RALGAPA1: variants seen among roughly 807,000 people sequenced by gnomAD.
RALGAPA1 encodes the protein Ral GTPase activating protein catalytic subunit alpha 1.
Under a neutral mutation model 269.6 loss-of-function variants are expected in RALGAPA1, and 52 were observed. That is an observed-to-expected ratio of 0.19 (90% CI 0.15 to 0.24). The LOEUF is 0.24. RALGAPA1 is among the 10% of genes least tolerant of loss of function. The pLI, the probability that RALGAPA1 is intolerant of heterozygous loss-of-function variation, is 1.00. For missense variants in RALGAPA1, 1,917 were observed against 3,013.9 expected, an observed-to-expected ratio of 0.64 and a Z score of 8.52; for synonymous variants, 817 against 1,008.3, an observed-to-expected ratio of 0.81 and a Z score of 3.60.
At chr14:35,759,889 G>A (rs1229797667) in intron 6 of RALGAPA1, among the ~76,000 whole-genome samples, 2 of 148,630 alleles carry the variant, frequency 1.3e-5, no homozygotes, top group Non-Finnish European at 3.0e-5. Flanking sequence ...TCCAGCCTGG[G>A]TGACAGAGTG....
At chr14:35,769,714 T>A (rs549922955) in intron 4 of RALGAPA1, among the ~76,000 whole-genome samples, 12 of 152,304 alleles carry the variant, frequency 7.9e-5, no homozygotes, top group African/African-American at 2.4e-4. Context: ...AACAACTTTC[T>A]ACTAACAAAT....
At chr14:35,807,107 C>T (rs1413229007) in intron 1 of RALGAPA1, among the ~76,000 whole-genome samples, 1 of 152,050 alleles carries the variant, frequency 6.6e-6, no homozygotes, top group Non-Finnish European at 1.5e-5. Context: ...AAAGTATGGC[C>T]TTTAATTTAG....
rs112279111 is a variant in RALGAPA1 at position 35,751,441 on chromosome 14, GCTAA to G, written c.802+579_802+582del. Among the ~76,000 whole-genome samples the G allele has an allele frequency of 4.7e-4, 71 of 152,226 alleles. 2 individuals carry two copies. Among genetic ancestry groups the G allele is most frequent in the African/African-American group, 1.5e-3 (62 of 41,542 alleles). On this transcript the variant is annotated intron_variant, in intron 8 of 41. Transcript: ENST00000680220. Reference sequence around the variant, plus strand: ...TTACAATCGCAAATATTTCTGGTGGGCTAACTTTTATAATTGATAAGATCCAGAG... The same window carrying G: ...TTACAATCGCAAATATTTCTGGTGGGCTTTTATAATTGATAAGATCCAGAG...
intron 11 of RALGAPA1, among the ~76,000 whole-genome samples, chr14:35,741,230 G>C (rs924319482): frequency 2.0e-5 from 3 of 152,028 alleles, no homozygotes; most frequent in Admixed American, 2.0e-4. Flanking sequence ...GGCACATCAT[G>C]ACTAAAAAAG....
chr14:35,545,648 T>C (rs1000591692), intron 41 of RALGAPA1, among the ~76,000 whole-genome samples: 16 of 152,016 alleles, frequency 1.1e-4, no homozygotes, highest in Non-Finnish European at 2.4e-4. Flanking sequence ...AAAGACATAA[T>C]ACTCCAAAAA....
intron 12 of RALGAPA1, among the ~76,000 whole-genome samples, chr14:35,736,856 C>T (rs1036279216): frequency 1.3e-5 from 2 of 151,812 alleles, no homozygotes; most frequent in Non-Finnish European, 2.9e-5. Context: ...GCCAACATGG[C>T]AAAAACCCAT....
At position 35,654,454 on chromosome 14, in the gene RALGAPA1, G is replaced by A. The variant is rs769345868; in HGVS notation, c.5520C>T (p.His1840=). Residue 1840 remains histidine, a synonymous_variant, in exon 30 of 42, where the codon CAC becomes CAT. Coordinates refer to ENST00000680220, the MANE Select transcript of RALGAPA1 (RefSeq NM_001346249.2). ...SLKFTNKTVA[H]VACNMLHMLV... ...GCATGTGAAGCATGTTACAAGCTAC[G>A]TGGGCTACTGTTTTATTAGTAAACT... 116 of 1,601,058 alleles carry A rather than the reference G, an allele frequency of 7.2e-5. No homozygotes were observed. The highest frequency in any genetic ancestry group is 9.2e-5 in the Non-Finnish European group (108 of 1,177,122).
chr14:35,762,500 C>CCCA (rs1383450304), intron 5 of RALGAPA1, among the ~76,000 whole-genome samples: 1 of 152,184 alleles, frequency 6.6e-6, no homozygotes, highest in African/African-American at 2.4e-5. Context: ...AAGTGGTCCA[C>CCCA]CCACCTCAGC....
At position 35,578,528 on chromosome 14, in the gene RALGAPA1, C is replaced by T. The variant is rs796967985; in HGVS notation, c.7210-5810G>A. Among the ~76,000 whole-genome samples the T allele has an allele frequency of 2.6e-5, 4 of 152,298 alleles. No homozygotes were observed. The South Asian group carries it at 8.3e-4, about 32-fold the overall frequency. On this transcript the variant is annotated intron_variant, in intron 37 of 41. Coordinates refer to ENST00000680220, the MANE Select transcript of RALGAPA1 (RefSeq NM_001346249.2). ...ATAGTCACACATATTTTCCTACATT[C>T]ACTTGCTGTTTAGATTATTCATTTT...
chr14:35,754,935 T>C (rs1567163092), intron 7 of RALGAPA1, among the ~76,000 whole-genome samples: 1 of 152,138 alleles, frequency 6.6e-6, no homozygotes, highest in Non-Finnish European at 1.5e-5. Flanking sequence ...AAAAAAACTA[T>C]GTACCCTATG....
At chr14:35,609,721 G>C (rs2059806705) in intron 35 of RALGAPA1, among the ~76,000 whole-genome samples, 1 of 151,800 alleles carries the variant, frequency 6.6e-6, no homozygotes, top group East Asian at 1.9e-4. Flanking sequence ...CCAGGAGTTC[G>C]AGACCAGCCT....
chr14:35,710,798 T>C (rs1235315301), intron 16 of RALGAPA1, among the ~76,000 whole-genome samples: 1 of 152,262 alleles, frequency 6.6e-6, no homozygotes, highest in Non-Finnish European at 1.5e-5. Context: ...TGTTTAGATA[T>C]GCTTACACAA....
chr14:35,788,716 A>G (rs904554562), intron 1 of RALGAPA1, among the ~76,000 whole-genome samples: 23 of 152,188 alleles, frequency 1.5e-4, no homozygotes, highest in African/African-American at 5.3e-4. Context: ...CCTCTGCCAT[A>G]ATGTCATAAA....
intron 39 of RALGAPA1, among the ~76,000 whole-genome samples, chr14:35,561,666 G>A (rs972231932): frequency 5.9e-5 from 9 of 151,866 alleles, no homozygotes; most frequent in African/African-American, 1.7e-4. Flanking sequence ...GTGCCATCAT[G>A]CCTGGCTAAT....
At chr14:35,715,090 T>C (rs1275001554) in intron 16 of RALGAPA1, among the ~76,000 whole-genome samples, 1 of 152,210 alleles carries the variant, frequency 6.6e-6, no homozygotes, top group East Asian at 1.9e-4. Flanking sequence ...TTTGGTATAT[T>C]ATGTTCTTCT....
intron 19 of RALGAPA1, among the ~76,000 whole-genome samples, chr14:35,685,436 G>C (rs975365168): frequency 2.0e-4 from 30 of 151,852 alleles, no homozygotes; most frequent in Non-Finnish European, 3.4e-4. Flanking sequence ...GTATTTAGTG[G>C]AAAAAAAGCA....
At chr14:35,720,752 C>T (rs560851032) in intron 16 of RALGAPA1, among the ~76,000 whole-genome samples, 1 of 152,282 alleles carries the variant, frequency 6.6e-6, no homozygotes, top group African/African-American at 2.4e-5. Context: ...CATAGCAAGA[C>T]CCTGTCTCTA....
Position 35,549,101 on chromosome 14 carries a change from T to G in RALGAPA1, c.7621+9A>C. 6.2e-7 allele frequency: 1 copy of G among 1,611,018 alleles called. No homozygotes were observed. Among genetic ancestry groups the G allele is most frequent in the Non-Finnish European group, 8.5e-7 (1 of 1,179,106 alleles). On this transcript the variant is annotated intron_variant, in intron 40 of 41. Coordinates refer to ENST00000680220, the MANE Select transcript of RALGAPA1 (RefSeq NM_001346249.2). Reference sequence around the variant, plus strand: ...ATAACAAGTAACTAATACTCGCTTTTAATCTTACCGGCATCAGATGGTAAA... The same window carrying G: ...ATAACAAGTAACTAATACTCGCTTTGAATCTTACCGGCATCAGATGGTAAA...
At chr14:35,552,170 C>A (rs573877343) in intron 39 of RALGAPA1, among the ~76,000 whole-genome samples, 7 of 152,204 alleles carry the variant, frequency 4.6e-5, no homozygotes, top group South Asian at 4.1e-4. Flanking sequence ...TACATCCCCC[C>A]CCGGCCCCCG....
Sources: gnomAD v4.1 joint callset for allele counts (sites outside exome capture counted in the v4.1 genomes callset) on GRCh38, gnomAD v4.1.1 for gene constraint, MANE v1.5 for transcripts, NCBI Gene and HGNC (gene_info 2026-07-23, HGNC 2026-07-21) for gene names.